Variants in KIF13A observed in about 807,000 individuals in gnomAD.
KIF13A encodes the protein kinesin-like protein KIF13A.
In KIF13A, 79 loss-of-function variants were observed where a neutral mutation model predicts 212.2. The observed-to-expected ratio is 0.37, with a 90% CI of 0.31 to 0.45. KIF13A has a LOEUF of 0.45. Among genes scored for constraint, KIF13A ranks in the 20% least tolerant of loss-of-function variants. The pLI is 1.00. For synonymous variants in KIF13A, 789 were observed against 808.6 expected, an observed-to-expected ratio of 0.98 and a Z score of 0.41; for missense variants, 1,901 against 2,209.0, an observed-to-expected ratio of 0.86 and a Z score of 2.79.
intron 2 of KIF13A, chr6:17,950,601 A>G (rs1488926613): frequency 1.0e-6 from 1 of 985,090 alleles, no homozygotes; most frequent in African/African-American, 1.7e-5. Context: ...TTATTTATCC[A>G]ACAGCTGAGC....
At chr6:17,869,019 A>AAAAAAAAAAAAAAACAAAAAAAAAAC (rs1554187445) in intron 4 of KIF13A, among the ~76,000 whole-genome samples, 1 of 126,514 alleles carries the variant, frequency 7.9e-6, no homozygotes, top group Non-Finnish European at 1.7e-5. Context: ...AAAAAAAAAA[A>AAAAAAAAAAAAAAACAAAAAAAAAAC]ACACAAATAA....
At chr6:17,889,069 T>C (rs1380305016) in intron 3 of KIF13A, among the ~76,000 whole-genome samples, 1 of 152,148 alleles carries the variant, frequency 6.6e-6, no homozygotes, top group Non-Finnish European at 1.5e-5. Flanking sequence ...TGAGGCCAAA[T>C]GCTTAGTAGC....
At chr6:17,945,088 C>T (rs907968670) in intron 2 of KIF13A, among the ~76,000 whole-genome samples, 8 of 152,090 alleles carry the variant, frequency 5.3e-5, no homozygotes, top group African/African-American at 1.4e-4. Flanking sequence ...GTCTGGGCAA[C>T]ACGGCAAGAT....
intron 4 of KIF13A, among the ~76,000 whole-genome samples, chr6:17,861,167 TA>T (rs1016083437): frequency 2.6e-5 from 4 of 152,114 alleles, no homozygotes; most frequent in African/African-American, 9.7e-5. Context: ...AAAAACAACA[TA>T]AAAAATTGAA....
chr6:17,816,883 C>T lies in KIF13A; in HGVS notation c.2000+137G>A. Reference sequence around the variant, plus strand: ...TGGACAATATTTGTGAAAGGAAAAGCTAATTGGCAATATCACGTATGGGAT... The same window carrying T: ...TGGACAATATTTGTGAAAGGAAAAGTTAATTGGCAATATCACGTATGGGAT... On this transcript the variant is annotated intron_variant, in intron 17 of 38. Coordinates refer to ENST00000259711, the MANE Select transcript of KIF13A (RefSeq NM_022113.6). The surrounding 1 kb of genome is among the most constrained non-coding windows in gnomAD (Gnocchi z 4.3). 1.5e-6 allele frequency: 1 copy of T among 660,646 alleles called. No individual in the cohort carries two copies. The highest frequency in any genetic ancestry group is 2.6e-6 in the Non-Finnish European group (1 of 391,574). 40.9% of individuals were successfully genotyped at this position (660,646 alleles called of 1,614,324 possible). A position where few individuals can be genotyped will look rare whatever the true frequency, so the allele number is the denominator to read the frequency against.
At chr6:17,953,169 A>C (rs578055518) in intron 2 of KIF13A, among the ~76,000 whole-genome samples, 7 of 152,146 alleles carry the variant, frequency 4.6e-5, no homozygotes, top group Non-Finnish European at 8.8e-5. Flanking sequence ...CGAGGTAGAC[A>C]CCCATCTATT....
At chr6:17,797,586 C>G (rs1762153609) in intron 22 of KIF13A, among the ~76,000 whole-genome samples, 1 of 151,968 alleles carries the variant, frequency 6.6e-6, no homozygotes, top group Non-Finnish European at 1.5e-5. Context: ...GCTTTCCTAC[C>G]CTATTTCCTC....
chr6:17,781,439 G>T, intron 29 of KIF13A, 138 bp from the exon 30 acceptor site: 1 of 864,082 alleles, frequency 1.2e-6, no homozygotes, highest in Non-Finnish European at 1.7e-6. Flanking sequence ...TCCTTATTCT[G>T]CAGTTGAAAT....
chr6:17,945,748 C>T (rs1777332394), intron 2 of KIF13A, among the ~76,000 whole-genome samples: 1 of 152,108 alleles, frequency 6.6e-6, no homozygotes, highest in Non-Finnish European at 1.5e-5. Context: ...ATAAGAATGA[C>T]CAAGCCACCC....
At position 17,781,265 on chromosome 6, in the gene KIF13A, G is replaced by A. The variant is rs1185459475; in HGVS notation, c.3581C>T (p.Pro1194Leu). The A allele has an allele frequency of 6.2e-7, 1 of 1,613,098 alleles. No individual in the cohort carries two copies. Among genetic ancestry groups the A allele is most frequent in the Admixed American group, 1.7e-5 (1 of 59,780 alleles). The change falls in exon 30 of 39, where the codon CCC becomes CTC. Residue 1194 changes from proline to leucine, a missense_variant. Around this residue, in one of 5 missense-constraint regions of KIF13A, gnomAD observed 687 missense variants for 759.1 expected, o/e 0.90. Transcript: ENST00000259711. ...DLSANEQLVG[P>L]HASGVNSILP... is the part of the protein sequence containing the mutation. ...GATGGAGTTCACGCCGGATGCATGGGGGCCAACAAGCTGCTCATTGGCACT... is the reference window on the plus strand; with the variant it reads ...GATGGAGTTCACGCCGGATGCATGGAGGCCAACAAGCTGCTCATTGGCACT...
intron 9 of KIF13A, among the ~76,000 whole-genome samples, chr6:17,847,847 T>C (rs1767228421): frequency 6.6e-6 from 1 of 152,132 alleles, no homozygotes. Context: ...GTTTCACTCT[T>C]GTTGCCCAGG....
intron 2 of KIF13A, among the ~76,000 whole-genome samples, chr6:17,932,688 TG>T (rs1425934366): frequency 6.6e-6 from 1 of 152,012 alleles, no homozygotes; most frequent in Non-Finnish European, 1.5e-5. Context: ...ACAGCACTAC[TG>T]TACAGATTCC....
At chr6:17,805,304 C>T (rs932577628) in intron 19 of KIF13A, among the ~76,000 whole-genome samples, 171 bp downstream of exon 19, 1 of 151,872 alleles carries the variant, frequency 6.6e-6, no homozygotes. Context: ...CAACTTAGCG[C>T]TTCTTTCAAA....
intron 2 of KIF13A, among the ~76,000 whole-genome samples, chr6:17,932,706 G>T (rs575331025): frequency 6.6e-6 from 1 of 151,864 alleles, no homozygotes; most frequent in East Asian, 1.9e-4. Flanking sequence ...TTCCAGAAAC[G>T]CTATGCAAGC....
intron 2 of KIF13A, among the ~76,000 whole-genome samples, chr6:17,955,213 G>A (rs148048708): frequency 6.2e-4 from 95 of 152,194 alleles, no homozygotes; most frequent in Non-Finnish European, 1.2e-3. Flanking sequence ...ATGTACAAAC[G>A]GACACTAGTT....
At position 17,869,228 on chromosome 6, in the gene KIF13A, G is replaced by C. The variant is rs569909803; in HGVS notation, c.220+4149C>G. ...CTCCTCCTTTCACAGATGAAGAACA[G>C]AGACCCACAGAAATTATCCTGCCCA... On this transcript the variant is annotated intron_variant, in intron 4 of 38. Coordinates refer to ENST00000259711, the MANE Select transcript of KIF13A (RefSeq NM_022113.6). Among the ~76,000 whole-genome samples, 105 of 152,128 alleles carry C rather than the reference G, an allele frequency of 6.9e-4. 2 individuals carry two copies. In the South Asian group the frequency reaches 0.021, roughly 31 times the overall value.
At chr6:17,831,418 G>T (rs1005842432) in intron 12 of KIF13A, among the ~76,000 whole-genome samples, 183 bp from the exon 13 acceptor site, 1 of 151,836 alleles carries the variant, frequency 6.6e-6, no homozygotes, top group African/African-American at 2.4e-5. Flanking sequence ...GCGTGATAGG[G>T]GCACCAAGGA....
At chr6:17,985,632 C>CCGGGGTGG (rs112580662) in intron 2 of KIF13A, among the ~76,000 whole-genome samples, 1 of 38,206 alleles carries the variant, frequency 2.6e-5, no homozygotes, top group African/African-American at 1.2e-4. Flanking sequence ...ATGCAGTTTG[C>CCGGGGTGG]GGGGGGGTGG....
At chr6:17,781,050 C>A in intron 30 of KIF13A, 127 bp downstream of exon 30, 1 of 1,392,452 alleles carries the variant, frequency 7.2e-7, no homozygotes, top group Non-Finnish European at 9.9e-7. Flanking sequence ...AACAGCAACA[C>A]AAATGTTCTA....
Sources: allele counts gnomAD v4.1 joint callset (sites outside exome capture counted in the v4.1 genomes callset), GRCh38; gene constraint gnomAD v4.1.1; regional missense constraint gnomAD v4.1.1; non-coding constraint Gnocchi (gnomAD v3.1); transcripts MANE v1.5; gene names NCBI Gene and HGNC (gene_info 2026-07-23, HGNC 2026-07-21).